PARK7: variants seen among roughly 807,000 people sequenced by gnomAD.
The protein encoded by PARK7 is Parkinsonism associated deglycase.
A neutral mutation model predicts 20.5 loss-of-function variants in PARK7; 14 were observed. The observed-to-expected ratio is 0.68, with a 90% CI of 0.45 to 1.07. PARK7 has a LOEUF of 1.07. PARK7 is among the 50% of genes least tolerant of loss of function. PARK7 has a pLI of 0.00. For missense variants in PARK7, 234 were observed against 238.1 expected, an observed-to-expected ratio of 0.98 and a Z score of 0.11; for synonymous variants, 98 against 84.3, an observed-to-expected ratio of 1.16 and a Z score of -0.89.
At chr1:7,969,691 C>A (rs536435077) in intron 4 of PARK7, among the ~76,000 whole-genome samples, 1 of 152,238 alleles carries the variant, frequency 6.6e-6, no homozygotes, top group Non-Finnish European at 1.5e-5. Flanking sequence ...AGCAGTTCTC[C>A]TGCCTCAGCC....
In PARK7 at chr1:7,961,752, G is replaced by A. The variant is rs527992433; in HGVS notation, c.-65G>A. 3 of 152,690 alleles carry A rather than the reference G, an allele frequency of 2.0e-5. No individual in the cohort carries two copies. The highest frequency in any genetic ancestry group is 1.9e-4 in the East Asian group (1 of 5,234). 9.5% of individuals were successfully genotyped at this position (152,690 alleles called of 1,614,324 possible). A position where few individuals can be genotyped will look rare whatever the true frequency, so the allele number is the denominator to read the frequency against. On this transcript the variant is annotated 5_prime_UTR_variant, in exon 1 of 7. Coordinates refer to ENST00000338639, the MANE Select transcript of PARK7 (RefSeq NM_007262.5). Reference sequence around the variant, plus strand: ...TGGTGTGGGGTGAGTGGTACCCAACGGGCCGGGGCGCCGCGTCCGCAGGAA... The same window carrying A: ...TGGTGTGGGGTGAGTGGTACCCAACAGGCCGGGGCGCCGCGTCCGCAGGAA...
chr1:7,974,479 A>T (rs1393795692), intron 5 of PARK7, among the ~76,000 whole-genome samples: 1 of 151,980 alleles, frequency 6.6e-6, no homozygotes. Flanking sequence ...AATACAAAAA[A>T]TTAGCCAGGC....
intron 5 of PARK7, chr1:7,972,107 G>C (rs575103369): frequency 6.6e-6 from 1 of 152,228 alleles, no homozygotes; most frequent in South Asian, 2.1e-4. Context: ...CTGGGGACTT[G>C]ATACATTCGA....
chr1:7,962,921 T>G (rs759980721), intron 2 of PARK7, 46 bp downstream of exon 2: 1 of 1,473,430 alleles, frequency 6.8e-7, no homozygotes, highest in Non-Finnish European at 9.5e-7. Context: ...TAAATGTTTT[T>G]GGATTTTTAA....
intron 4 of PARK7, among the ~76,000 whole-genome samples, chr1:7,970,651 T>G (rs1449706653): frequency 6.6e-6 from 1 of 152,250 alleles, no homozygotes; most frequent in Non-Finnish European, 1.5e-5. Context: ...GTCAAATTGC[T>G]TCTTCTGATC....
chr1:7,970,998 T>C, intron 5 of PARK7, 35 bp downstream of exon 5: 2 of 1,610,060 alleles, frequency 1.2e-6, no homozygotes, highest in Non-Finnish European at 8.5e-7. Context: ...TGCAGCGTCA[T>C]TGGTGGGTGG....
intron 1 of PARK7, among the ~76,000 whole-genome samples, chr1:7,962,444 A>C (rs770706237): frequency 5.9e-5 from 9 of 152,184 alleles, no homozygotes; most frequent in Non-Finnish European, 1.3e-4. Context: ...CAGGAGACCC[A>C]CGTACTTGTA....
chr1:7,985,131 CAG>C lies in PARK7; in HGVS notation c.*78_*79del. 1 of 1,555,056 alleles carries C rather than the reference CAG, an allele frequency of 6.4e-7. No individual in the cohort carries two copies. Among genetic ancestry groups the C allele is most frequent in the South Asian group, 1.2e-5 (1 of 85,820 alleles). On this transcript the variant is annotated 3_prime_UTR_variant, in exon 7 of 7. Coordinates refer to ENST00000338639, the MANE Select transcript of PARK7 (RefSeq NM_007262.5). ...CTCACTGTGTTCGCTCTAAACAAAA[CAG>C]TGGTAGGTTAATGTGTTCAGAAGTC...
chr1:7,979,106 A>G (rs746889294), intron 6 of PARK7, among the ~76,000 whole-genome samples: 43 of 152,176 alleles, frequency 2.8e-4, no homozygotes, highest in Non-Finnish European at 5.4e-4. Context: ...GGGGGTGGGC[A>G]TGAAGGTGGT....
chr1:7,975,902 TC>T (rs755762129), intron 5 of PARK7, among the ~76,000 whole-genome samples: 21 of 152,230 alleles, frequency 1.4e-4, no homozygotes, highest in Admixed American at 6.5e-5. Flanking sequence ...CTTACGGACT[TC>T]TAAAATTTGC....
At chr1:7,974,133 G>GAC (rs1553123765) in intron 5 of PARK7, among the ~76,000 whole-genome samples, 1 of 113,952 alleles carries the variant, frequency 8.8e-6, no homozygotes, top group South Asian at 2.7e-4. Flanking sequence ...AACATAGTGA[G>GAC]ACCCCCCCAC....
rs1640794230 is a variant in PARK7, at chr1:7,985,135, G to C, written c.*81G>C. The C allele has an allele frequency of 6.5e-7, 1 of 1,548,960 alleles. No homozygotes were observed. Among genetic ancestry groups the C allele is most frequent in the African/African-American group, 1.4e-5 (1 of 73,506 alleles). ...CTGTGTTCGCTCTAAACAAAACAGT[G>C]GTAGGTTAATGTGTTCAGAAGTCGC... is the stretch of plus-strand genomic sequence containing the variant. On this transcript the variant is annotated 3_prime_UTR_variant, in exon 7 of 7. Coordinates refer to ENST00000338639, the MANE Select transcript of PARK7 (RefSeq NM_007262.5).
intron 6 of PARK7, among the ~76,000 whole-genome samples, chr1:7,982,433 G>C (rs916700703): frequency 6.6e-6 from 1 of 152,160 alleles, no homozygotes; most frequent in Non-Finnish European, 1.5e-5. Context: ...CCTCCAGTTC[G>C]CACAGTGCCT....
chr1:7,961,917 G>C (rs1466896414), intron 1 of PARK7, 124 bp downstream of exon 1: 1 of 151,908 alleles, frequency 6.6e-6, no homozygotes, highest in African/African-American at 2.4e-5. Flanking sequence ...GGCCTGGGTC[G>C]GGGCCGCCCT....
intron 5 of PARK7, among the ~76,000 whole-genome samples, chr1:7,976,083 C>T (rs570824781): frequency 2.6e-5 from 4 of 152,304 alleles, no homozygotes; most frequent in East Asian, 3.9e-4. Flanking sequence ...GTAACAGCTA[C>T]GGTCTGAGTA....
Position 7,978,295 on chromosome 1 carries a change from C to G in PARK7, c.409+557C>G, listed in dbSNP as rs116059681. On this transcript the variant is annotated intron_variant, in intron 6 of 6. Coordinates refer to ENST00000338639, the MANE Select transcript of PARK7 (RefSeq NM_007262.5). ...ACAGGCATGAGCCACCGCGCCCAGT[C>G]TCGAACTCTTGACCTTGTGATCTGC... Among the ~76,000 whole-genome samples, 622 of 151,892 alleles carry G rather than the reference C, an allele frequency of 4.1e-3. 1 individual carries two copies. The highest frequency in any genetic ancestry group is 7.4e-3 in the Non-Finnish European group (500 of 67,950).
chr1:7,970,998 T>TGG, intron 5 of PARK7, 35 bp downstream of exon 5: 1 of 1,610,060 alleles, frequency 6.2e-7, no homozygotes, highest in Non-Finnish European at 8.5e-7. Flanking sequence ...TGCAGCGTCA[T>TGG]TGGTGGGTGG....
At chr1:7,983,859 T>G (rs1640762808) in intron 6 of PARK7, among the ~76,000 whole-genome samples, 4 of 152,210 alleles carry the variant, frequency 2.6e-5, no homozygotes, top group Admixed American at 2.6e-4. Flanking sequence ...GTGCCTCCTG[T>G]GTGCCATGGA....
intron 3 of PARK7, 124 bp downstream of exon 3, chr1:7,965,549 A>G (rs1237042876): frequency 2.4e-6 from 2 of 817,688 alleles, no homozygotes; most frequent in African/African-American, 3.4e-5. Flanking sequence ...TTCCCCTGAC[A>G]GATTAAGAGG....
Sources: allele counts gnomAD v4.1 joint callset (sites outside exome capture counted in the v4.1 genomes callset), GRCh38; gene constraint gnomAD v4.1.1; transcripts MANE v1.5; gene names NCBI Gene and HGNC (gene_info 2026-07-23, HGNC 2026-07-21).